Variants in OXCT1 observed in about 807,000 individuals in gnomAD.
OXCT1 encodes 3-oxoacid CoA-transferase 1, also known as succinyl-CoA:3-ketoacid coenzyme A transferase 1, mitochondrial.
In OXCT1, 27 loss-of-function variants were observed where a neutral mutation model predicts 69.6. The observed-to-expected ratio is 0.39, with a 90% CI of 0.29 to 0.54. The LOEUF (loss-of-function observed/expected upper bound fraction) is 0.54, where lower values mean the gene tolerates loss of function less well. OXCT1 is among the 20% of genes least tolerant of loss of function. OXCT1 has a pLI of 0.72. For missense variants in OXCT1, 437 were observed against 650.2 expected, an observed-to-expected ratio of 0.67 and a Z score of 3.57; for synonymous variants, 202 against 217.8, an observed-to-expected ratio of 0.93 and a Z score of 0.64.
At chr5:41,745,189 A>T (rs1343365525) in intron 15 of OXCT1, among the ~76,000 whole-genome samples, 3 of 152,142 alleles carry the variant, frequency 2.0e-5, no homozygotes, top group African/African-American at 7.2e-5. Flanking sequence ...AAAACAAATT[A>T]TAACAAACTG....
At chr5:41,851,254 G>A (rs191629739) in intron 4 of OXCT1, among the ~76,000 whole-genome samples, 1 of 152,292 alleles carries the variant, frequency 6.6e-6, no homozygotes, top group Admixed American at 6.5e-5. Flanking sequence ...ACTAACAGTT[G>A]GGACTTGAGA....
intron 11 of OXCT1, among the ~76,000 whole-genome samples, chr5:41,795,235 G>C (rs1220356562): frequency 6.6e-6 from 1 of 152,128 alleles, no homozygotes; most frequent in Non-Finnish European, 1.5e-5. Context: ...TTTGAGAGAA[G>C]GCCAAGCTTA....
At chr5:41,792,633 C>T (rs1324696585) in intron 13 of OXCT1, among the ~76,000 whole-genome samples, 1 of 152,172 alleles carries the variant, frequency 6.6e-6, no homozygotes, top group Admixed American at 6.5e-5. Flanking sequence ...AGGAGACCCT[C>T]CCTGATTTTT....
chr5:41,782,302 C>T (rs750427888), intron 13 of OXCT1, among the ~76,000 whole-genome samples: 16 of 151,886 alleles, frequency 1.1e-4, no homozygotes, highest in Non-Finnish European at 1.9e-4. Context: ...GCAACCTCCA[C>T]CTCCTGGGTT....
intron 13 of OXCT1, among the ~76,000 whole-genome samples, chr5:41,768,804 C>T (rs546348496): frequency 1.2e-4 from 19 of 152,284 alleles, no homozygotes; most frequent in African/African-American, 4.1e-4. Flanking sequence ...CTCTAAAATG[C>T]GCATCTGAAT....
At chr5:41,814,451 A>G (rs1747133668) in intron 7 of OXCT1, among the ~76,000 whole-genome samples, 1 of 152,058 alleles carries the variant, frequency 6.6e-6, no homozygotes, top group Non-Finnish European at 1.5e-5. Flanking sequence ...CTCTATTCAC[A>G]ATAGCAAAGA....
chr5:41,835,668 G>C (rs1318216055), intron 7 of OXCT1, among the ~76,000 whole-genome samples: 2 of 152,104 alleles, frequency 1.3e-5, no homozygotes, highest in African/African-American at 4.8e-5. Context: ...TACTTGTTTT[G>C]ACTGAAAGCT....
chr5:41,797,601 T>C (rs903891268), intron 11 of OXCT1, among the ~76,000 whole-genome samples: 10 of 152,298 alleles, frequency 6.6e-5, no homozygotes, highest in African/African-American at 2.4e-4. Context: ...ATTTGGGCAA[T>C]AGAGTTATCA....
At position 41,803,054 on chromosome 5, in the gene OXCT1, A is replaced by G; in HGVS notation, c.1050+15T>C. 6.4e-7 allele frequency: 1 copy of G among 1,574,132 alleles called. No homozygotes were observed. Among genetic ancestry groups the G allele is most frequent in the Non-Finnish European group, 8.7e-7 (1 of 1,144,154 alleles). On this transcript the variant is annotated intron_variant, in intron 10 of 16. Coordinates refer to ENST00000196371, the MANE Select transcript of OXCT1 (RefSeq NM_000436.4). ...TCATTAAGACTGGATTTTAGAAAAC[A>G]AATTTTCATCTTACCAAACCCAGAA... is the stretch of plus-strand genomic sequence containing the variant.
chr5:41,849,963 A>C, intron 5 of OXCT1, 67 bp downstream of exon 5: 1 of 1,515,298 alleles, frequency 6.6e-7, no homozygotes, highest in African/African-American at 1.4e-5. Flanking sequence ...TATTTGCCCA[A>C]TGATCCACCC....
At chr5:41,869,987 G>A in intron 1 of OXCT1, 7 of 445,844 alleles carry the variant, frequency 1.6e-5, no homozygotes, top group South Asian at 6.5e-5. Context: ...AGCGCCAAAG[G>A]GCTCGGGAGC....
At chr5:41,772,446 A>G (rs1744920669) in intron 13 of OXCT1, among the ~76,000 whole-genome samples, 1 of 152,160 alleles carries the variant, frequency 6.6e-6, no homozygotes, top group Admixed American at 6.5e-5. Flanking sequence ...AATAGAAAGG[A>G]TCAGAAAGTA....
chr5:41,766,061 A>G (rs1424898351), intron 13 of OXCT1, among the ~76,000 whole-genome samples: 1 of 152,192 alleles, frequency 6.6e-6, no homozygotes, highest in African/African-American at 2.4e-5. Flanking sequence ...CCAGCATGAC[A>G]CAAAGTATGG....
chr5:41,846,810 T>C (rs1430519579), intron 5 of OXCT1, among the ~76,000 whole-genome samples: 4 of 152,226 alleles, frequency 2.6e-5, no homozygotes, highest in South Asian at 2.1e-4. Context: ...CCTGACTTTT[T>C]AATGATTGCC....
At chr5:41,802,429 CCTAA>C (rs1456760695) in intron 10 of OXCT1, among the ~76,000 whole-genome samples, 2 of 151,742 alleles carry the variant, frequency 1.3e-5, no homozygotes, top group East Asian at 1.9e-4. Context: ...AAAAATATGG[CCTAA>C]CTAAGAAAAC....
chr5:41,799,459 T>C (rs1746330163), intron 11 of OXCT1, among the ~76,000 whole-genome samples: 1 of 152,218 alleles, frequency 6.6e-6, no homozygotes, highest in South Asian at 2.1e-4. Context: ...GTGTTGAAGT[T>C]GAAATATAAA....
chr5:41,853,907 G>A (rs904921604), intron 3 of OXCT1, among the ~76,000 whole-genome samples: 2 of 152,134 alleles, frequency 1.3e-5, no homozygotes, highest in African/African-American at 4.8e-5. Context: ...GAGTGATTCT[G>A]AGTTAGAAGA....
chr5:41,863,557 G>C lies in OXCT1; in HGVS notation c.79-807C>G, dbSNP rs111308145. Reference sequence around the variant, plus strand: ...TTTAAGTGACTCATACTTAAAAGTAGGATGGATATTTTATCCACAGATTAT... The same window carrying C: ...TTTAAGTGACTCATACTTAAAAGTACGATGGATATTTTATCCACAGATTAT... On this transcript the variant is annotated intron_variant, in intron 1 of 16. Transcript: ENST00000196371. Among the ~76,000 whole-genome samples the C allele has an allele frequency of 2.6e-5, 4 of 152,186 alleles. 1 individual carries two copies. The highest frequency in any genetic ancestry group is 9.6e-5 in the African/African-American group (4 of 41,514).
chr5:41,807,768 T>C lies in OXCT1; in HGVS notation c.733-330A>G, dbSNP rs34339137. On this transcript the variant is annotated intron_variant, in intron 7 of 16. Coordinates refer to ENST00000196371, the MANE Select transcript of OXCT1 (RefSeq NM_000436.4). ...CAGCTTGAACTTTCACAAATTGCAGTTCAACTATGCAATGATAGCACATTC... is the reference window on the plus strand; with the variant it reads ...CAGCTTGAACTTTCACAAATTGCAGCTCAACTATGCAATGATAGCACATTC... Among the ~76,000 whole-genome samples, 32,004 of 151,944 alleles carry C rather than the reference T, an allele frequency of 0.21. 3,512 individuals are homozygous for C. The highest frequency in any genetic ancestry group is 0.29 in the Middle Eastern group (86 of 294).
Sources: gnomAD v4.1 joint callset for allele counts (sites outside exome capture counted in the v4.1 genomes callset) on GRCh38, gnomAD v4.1.1 for gene constraint, MANE v1.5 for transcripts, NCBI Gene and HGNC (gene_info 2026-07-23, HGNC 2026-07-21) for gene names.